MGAT4C: variants seen among roughly 807,000 people sequenced by gnomAD.
MGAT4C encodes alpha-1,3-mannosyl-glycoprotein 4-beta-N-acetylglucosaminyltransferase C.
Under a neutral mutation model 40.1 loss-of-function variants are expected in MGAT4C, and 19 were observed. The observed-to-expected ratio is 0.47, with a 90% CI of 0.33 to 0.70. MGAT4C has a LOEUF of 0.70. Among genes scored for constraint, MGAT4C ranks in the 30% least tolerant of loss-of-function variants. The pLI is 0.02. For synonymous variants in MGAT4C, 181 were observed against 187.1 expected (o/e 0.97, Z 0.27); for missense variants, 491 against 563.2 (o/e 0.87, Z 1.30).
chr12:86,196,529 T>TGATGGGAGTAGCAACC (rs1566127255), intron 1 of MGAT4C, among the ~76,000 whole-genome samples: 7 of 152,176 alleles, frequency 4.6e-5, no homozygotes, highest in Non-Finnish European at 8.8e-5. Flanking sequence ...GAGTAGCAAC[T>TGATGGGAGTAGCAACC]GTGCTGCTCT....
upstream of MGAT4C, among the ~76,000 whole-genome samples, chr12:86,257,639 G>A (rs531205725): frequency 1.7e-4 from 26 of 152,188 alleles, no homozygotes; most frequent in Non-Finnish European, 2.4e-4. Flanking sequence ...TGCATTTACA[G>A]TGACAGAAAA....
chr12:86,334,517 G>A (rs535329934), intron 3 of MGAT4C, among the ~76,000 whole-genome samples: 1 of 152,206 alleles, frequency 6.6e-6, no homozygotes, highest in African/African-American at 2.4e-5. Context: ...TAAATTATCT[G>A]TTGTCCTATA....
chr12:85,987,086 T>C (rs1214131094), intron 3 of MGAT4C, among the ~76,000 whole-genome samples: 3 of 151,542 alleles, frequency 2.0e-5, no homozygotes, highest in Middle Eastern at 6.8e-3. Flanking sequence ...CTCATTTTTT[T>C]CCAACTTTTG....
intron 4 of MGAT4C, among the ~76,000 whole-genome samples, chr12:86,329,317 T>C (rs547645816): frequency 3.0e-4 from 45 of 152,076 alleles, no homozygotes; most frequent in Non-Finnish European, 3.2e-4. Flanking sequence ...TTACTTTCTA[T>C]GTTTCTAAGA....
chr12:86,817,985 A>G lies in MGAT4C; in HGVS notation c.-262+20681T>C, dbSNP rs146927759. ...ACAAGACAATACATAAATATAACTT[A>G]CCTGAAGAACTATAAACCTAGTACC... On this transcript the variant is annotated intron_variant, in intron 1 of 7. Transcript: ENST00000548651. Among the ~76,000 whole-genome samples the G allele has an allele frequency of 4.0e-4, 61 of 151,516 alleles. No homozygotes were observed. The East Asian group carries it at 0.011, about 28-fold the overall frequency.
intron 1 of MGAT4C, among the ~76,000 whole-genome samples, chr12:86,192,515 C>T (rs1204763673): frequency 1.3e-5 from 2 of 152,068 alleles, no homozygotes; most frequent in East Asian, 1.9e-4. Context: ...CAGAATCCAC[C>T]CCCATCACCC....
chr12:86,420,521 T>G (rs1254807743), intron 3 of MGAT4C, among the ~76,000 whole-genome samples: 1 of 152,176 alleles, frequency 6.6e-6, no homozygotes, highest in Admixed American at 6.5e-5. Flanking sequence ...GGCCACCTCT[T>G]AGCAGCTCAT....
intron 2 of MGAT4C, among the ~76,000 whole-genome samples, chr12:86,625,881 A>G (rs1277229789): frequency 6.6e-6 from 1 of 152,164 alleles, no homozygotes; most frequent in African/African-American, 2.4e-5. Context: ...CATAGTAAAT[A>G]TATCCATACA....
chr12:86,534,177 G>A (rs1388756936), intron 2 of MGAT4C, among the ~76,000 whole-genome samples: 1 of 152,028 alleles, frequency 6.6e-6, no homozygotes, highest in Non-Finnish European at 1.5e-5. Context: ...GGTCTGATAA[G>A]AACTCTGAAG....
At chr12:86,714,981 A>G (rs1225149691) in intron 2 of MGAT4C, among the ~76,000 whole-genome samples, 1 of 152,138 alleles carries the variant, frequency 6.6e-6, no homozygotes, top group Non-Finnish European at 1.5e-5. Flanking sequence ...TCACTTCATA[A>G]CATACAGCAT....
intron 3 of MGAT4C, among the ~76,000 whole-genome samples, chr12:86,348,766 G>T (rs568994361): frequency 6.6e-6 from 1 of 151,826 alleles, no homozygotes; most frequent in Admixed American, 6.6e-5. Flanking sequence ...TCAATCATTC[G>T]TGATGTTTGG....
chr12:86,356,128 G>T (rs1407412173), intron 3 of MGAT4C, among the ~76,000 whole-genome samples: 1 of 151,922 alleles, frequency 6.6e-6, no homozygotes, highest in Non-Finnish European at 1.5e-5. Context: ...ATATAATAAG[G>T]TATGTAGATG....
intron 2 of MGAT4C, among the ~76,000 whole-genome samples, chr12:86,641,228 A>G (rs1281974533): frequency 1.3e-5 from 2 of 151,844 alleles, no homozygotes; most frequent in Admixed American, 6.6e-5. Context: ...AGGGACATGG[A>G]TGAAATTGGA....
At chr12:86,404,752 T>C (rs975731216) in intron 3 of MGAT4C, among the ~76,000 whole-genome samples, 5 of 152,170 alleles carry the variant, frequency 3.3e-5, no homozygotes, top group African/African-American at 9.6e-5. Flanking sequence ...AAACAATTAT[T>C]GTTAGGAAGA....
chr12:86,132,542 C>G (rs1485018428), intron 1 of MGAT4C, among the ~76,000 whole-genome samples: 1 of 151,976 alleles, frequency 6.6e-6, no homozygotes, highest in African/African-American at 2.4e-5. Context: ...GCCTGTAATC[C>G]CAGCACTTTG....
In MGAT4C at chr12:86,831,620, G is replaced by A. The variant is rs1003050193; in HGVS notation, c.-262+7046C>T. On this transcript the variant is annotated intron_variant, in intron 1 of 7. Transcript: ENST00000548651. ...AAAAATAATTTCAATGCAATGTAAT[G>A]TACGTAGTTATCCAGGTGTCCAAAT... Among the ~76,000 whole-genome samples the A allele has an allele frequency of 2.0e-5, 3 of 151,740 alleles. No homozygotes were observed. In the East Asian group the frequency reaches 5.8e-4, roughly 29 times the overall value.
At chr12:86,389,487 A>T (rs559665360) in intron 3 of MGAT4C, among the ~76,000 whole-genome samples, 1 of 152,260 alleles carries the variant, frequency 6.6e-6, no homozygotes, top group East Asian at 1.9e-4. Flanking sequence ...GCTATTGTGA[A>T]TTGTGCTCAG....
chr12:85,984,092 T>G (rs1479158958), intron 3 of MGAT4C, among the ~76,000 whole-genome samples: 1 of 152,210 alleles, frequency 6.6e-6, no homozygotes, highest in East Asian at 1.9e-4. Flanking sequence ...GATTTACTCT[T>G]CCTCAAGCAG....
chr12:86,437,640 C>T (rs186932468), intron 2 of MGAT4C, among the ~76,000 whole-genome samples: 4 of 151,878 alleles, frequency 2.6e-5, no homozygotes, highest in African/African-American at 9.6e-5. Flanking sequence ...TGTGGTAACC[C>T]TGCATTGAAT....
Sources: gnomAD v4.1 joint callset for allele counts (sites outside exome capture counted in the v4.1 genomes callset) on GRCh38, gnomAD v4.1.1 for gene constraint, MANE v1.5 for transcripts, NCBI Gene and HGNC (gene_info 2026-07-23, HGNC 2026-07-21) for gene names.